GOLGA6L7: variants seen among roughly 807,000 people sequenced by gnomAD.
GOLGA6L7 encodes golgin subfamily A member 6-like protein 7.
GOLGA6L7 carries 29 observed loss-of-function variants against 68.9 expected under a neutral mutation model. That is an observed-to-expected ratio of 0.42 (90% CI 0.31 to 0.57). GOLGA6L7 has a LOEUF of 0.57. Among genes scored for constraint, GOLGA6L7 ranks in the 20% least tolerant of loss-of-function variants. GOLGA6L7 has a pLI of 0.13. For synonymous variants in GOLGA6L7, 133 were observed against 197.4 expected, an observed-to-expected ratio of 0.67 and a Z score of 2.73; for missense variants, 396 against 588.4, an observed-to-expected ratio of 0.67 and a Z score of 3.38.
In GOLGA6L7 at chr15:28,842,603, A is replaced by G; in HGVS notation, c.1501T>C (p.Phe501Leu). ...QMRKQVERLQ[F>L]KEERLWDEYE... ...TCATCCCACAGCCTCTCCTCCTTGA[A>G]TTGCAGCCTCTCCACCTGCTTCCGC... Residue 501 changes from phenylalanine (F) to leucine (L), a missense_variant, in exon 9 of 9, where the codon TTC becomes CTC. Physicochemically the swap from Phe to Leu is conservative, Grantham distance 22. Around this residue, in one of 5 missense-constraint regions of GOLGA6L7, gnomAD observed 125 missense variants for 163.3 expected, o/e 0.77. Coordinates refer to ENST00000567390, the MANE Select transcript of GOLGA6L7 (RefSeq NM_001365371.2). 7.8e-7 allele frequency: 1 copy of G among 1,286,562 alleles called. No individual in the cohort carries two copies. The highest frequency in any genetic ancestry group is 1.5e-5 in the African/African-American group (1 of 64,532). The allele number at this position is 1,286,562 out of a possible 1,614,324, so 79.7% of individuals were successfully genotyped here. A position where few individuals can be genotyped will look rare whatever the true frequency, so the allele number is the denominator to read the frequency against.
At position 28,842,265 on chromosome 15, in the gene GOLGA6L7, G is replaced by T. The variant is rs3862421; in HGVS notation, c.1839C>A (p.Asp613Glu). 10 of 1,229,308 alleles carry T rather than the reference G, an allele frequency of 8.1e-6. No individual in the cohort carries two copies. Among genetic ancestry groups the T allele is most frequent in the Middle Eastern group, 2.8e-4 (1 of 3,572 alleles). The allele number at this position is 1,229,308 out of a possible 1,614,324, so 76.2% of individuals were successfully genotyped here. A position where few individuals can be genotyped will look rare whatever the true frequency, so the allele number is the denominator to read the frequency against. ...TACTGATGATCTTGATCTTTTTCTT[G>T]TCTCCTCCGTAGAAGAATGGGATGC... ...TSCIPFFYGG[D>E]KKKIKIISI The change falls in exon 9 of 9, where the codon GAC becomes GAA. Residue 613 changes from aspartate (D) to glutamate (E), a missense_variant. Asp to Glu is a conservative substitution (Grantham distance 45). Coordinates refer to ENST00000567390, the MANE Select transcript of GOLGA6L7 (RefSeq NM_001365371.2).
rs527291727 is a variant in GOLGA6L7, at chr15:28,848,587, G to A, written c.-38C>T. ...GTGGTGGGGTTGGGGTCACATTGGCGTGATCCAGGCGAGGACAGTGATATG... is the reference window on the plus strand; with the variant it reads ...GTGGTGGGGTTGGGGTCACATTGGCATGATCCAGGCGAGGACAGTGATATG... On this transcript the variant is annotated 5_prime_UTR_variant, in exon 1 of 9. In the 5' UTR this introduces an upstream ATG that the reference lacks. Transcript: ENST00000567390. The A allele has an allele frequency of 7.7e-5, 55 of 717,432 alleles. 1 individual carries two copies. The highest frequency in any genetic ancestry group is 2.3e-4 in the Middle Eastern group (1 of 4,328). 44.4% of individuals were successfully genotyped at this position (717,432 alleles called of 1,614,324 possible).
chr15:28,842,520 C>T lies in GOLGA6L7; in HGVS notation c.1584G>A (p.Arg528=), dbSNP rs919362487. The T allele has an allele frequency of 2.2e-5, 27 of 1,221,518 alleles. No homozygotes were observed. The highest frequency in any genetic ancestry group is 2.0e-4 in the Admixed American group (5 of 25,140). 75.7% of individuals were successfully genotyped at this position (1,221,518 alleles called of 1,614,324 possible). A position where few individuals can be genotyped will look rare whatever the true frequency, so the allele number is the denominator to read the frequency against. ...GCTCTCCCATCCTCTCCTTCTTCTCCCGCCTCTTCTCCACCTGCCTCCGGA... is the reference window on the plus strand; with the variant it reads ...GCTCTCCCATCCTCTCCTTCTTCTCTCGCCTCTTCTCCACCTGCCTCCGGA... ...EKIRRQVEKR[R]EKKERMGEQE... Residue 528 remains arginine, a synonymous_variant, in exon 9 of 9, where the codon CGG becomes CGA. Coordinates refer to ENST00000567390, the MANE Select transcript of GOLGA6L7 (RefSeq NM_001365371.2).
rs759768162 is a variant in GOLGA6L7 at position 28,845,698 on chromosome 15, C to T, written c.355+20G>A. 95 of 769,128 alleles carry T rather than the reference C, an allele frequency of 1.2e-4. No individual in the cohort carries two copies. Among genetic ancestry groups the T allele is most frequent in the African/African-American group, 7.6e-4 (45 of 59,182 alleles). 47.6% of individuals were successfully genotyped at this position (769,128 alleles called of 1,614,324 possible). ...GTGAAAGTGCCAGGTTGAAGGATGA[C>T]GGGGTGCCCAGATTCCCACCTTCAA... On this transcript the variant is annotated intron_variant, in intron 5 of 8. Transcript: ENST00000567390.
In GOLGA6L7 at chr15:28,842,515, T is replaced by C. The variant is rs976298100; in HGVS notation, c.1589A>G (p.Lys530Arg). 1.0e-4 allele frequency: 123 copies of C among 1,212,354 alleles called. No individual in the cohort carries two copies. Among genetic ancestry groups the C allele is most frequent in the Non-Finnish European group, 1.1e-4 (104 of 963,982 alleles). The allele number at this position is 1,212,354 out of a possible 1,614,324, so 75.1% of individuals were successfully genotyped here. A position where few individuals can be genotyped will look rare whatever the true frequency, so the allele number is the denominator to read the frequency against. The change falls in exon 9 of 9, where the codon AAG becomes AGG. Residue 530 changes from lysine (K) to arginine (R), a missense_variant. This residue lies in a region of GOLGA6L7 where 125 missense variants were observed against 163.3 expected (regional missense o/e 0.77). Coordinates refer to ENST00000567390, the MANE Select transcript of GOLGA6L7 (RefSeq NM_001365371.2). ...IRRQVEKRRE[K>R]KERMGEQEKT... ...CTCCTGCTCTCCCATCCTCTCCTTC[T>C]TCTCCCGCCTCTTCTCCACCTGCCT...
intron 6 of GOLGA6L7, 166 bp downstream of exon 6, chr15:28,845,363 C>T: frequency 2.9e-6 from 2 of 692,230 alleles, no homozygotes; most frequent in Non-Finnish European, 2.6e-6. Context: ...CCCACAGCAG[C>T]TGACTCAGCC....
rs532140573 is a variant in GOLGA6L7 at position 28,844,609 on chromosome 15, C to T, written c.463-346G>A. 1.8e-3 allele frequency among the ~76,000 whole-genome samples: 278 copies of T among 151,920 alleles called. 1 individual carries two copies. Among genetic ancestry groups the T allele is most frequent in the African/African-American group, 6.3e-3 (260 of 41,372 alleles). On this transcript the variant is annotated intron_variant, in intron 6 of 8. Coordinates refer to ENST00000567390, the MANE Select transcript of GOLGA6L7 (RefSeq NM_001365371.2). ...CTGCACCTGGCTCTCACTTGTTTTT[C>T]GGAGAACTCAGTAAGGGTGGAAGGC...
chr15:28,844,451 A>C (rs1595356158), intron 6 of GOLGA6L7, among the ~76,000 whole-genome samples, 188 bp from the exon 7 acceptor site: 1 of 100,976 alleles, frequency 9.9e-6, no homozygotes, highest in Admixed American at 1.2e-4. Context: ...TTTTTTTGAG[A>C]TGGAGTTTCG....
At position 28,842,038 on chromosome 15, in the gene GOLGA6L7, C is replaced by T. The variant is rs982195612; in HGVS notation, c.*197G>A. The stretch of plus-strand genomic sequence containing the variant: ...GATCTCAGCTCACTGCAACCTCAAC[C>T]TCCCACGTAGCTGGGATTGGTGATC... On this transcript the variant is annotated 3_prime_UTR_variant, in exon 9 of 9. Transcript: ENST00000567390. 1.1e-5 allele frequency: 4 copies of T among 358,816 alleles called. No homozygotes were observed. Among genetic ancestry groups the T allele is most frequent in the African/African-American group, 2.1e-5 (1 of 47,608 alleles). 22.2% of individuals were successfully genotyped at this position (358,816 alleles called of 1,614,324 possible).
chr15:28,845,453 C>T, intron 6 of GOLGA6L7, 76 bp downstream of exon 6: 1 of 700,828 alleles, frequency 1.4e-6, no homozygotes, highest in Non-Finnish European at 2.6e-6. Context: ...CTGCATCCTG[C>T]AGAAGGGACC....
intron 2 of GOLGA6L7, 51 bp from the exon 3 acceptor site, chr15:28,846,300 T>TC: frequency 1.3e-6 from 1 of 756,302 alleles, no homozygotes; most frequent in South Asian, 1.4e-5. Flanking sequence ...TCGACTCTAT[T>TC]CCCCAGGCCA....
rs1370929858 is a variant in GOLGA6L7 at position 28,842,893 on chromosome 15, A to G, written c.1211T>C (p.Met404Thr). 7.4e-6 allele frequency: 9 copies of G among 1,220,502 alleles called. No homozygotes were observed. Among genetic ancestry groups the G allele is most frequent in the Non-Finnish European group, 9.1e-6 (9 of 993,830 alleles). The allele number at this position is 1,220,502 out of a possible 1,614,324, so 75.6% of individuals were successfully genotyped here. Residue 404 changes from methionine (M) to threonine (T), a missense_variant, in exon 9 of 9, where the codon ATG (methionine) becomes ACG (threonine). Coordinates refer to ENST00000567390, the MANE Select transcript of GOLGA6L7 (RefSeq NM_001365371.2). ...CCCCATCTGCTCCTCCTGCTTCCAC[A>G]TCTGCTCCTCCTGCTTTCGCATCTG... is the stretch of plus-strand genomic sequence containing the variant. ...EEQMRKQEEQ[M>T]WKQEEQMGEQ...
chr15:28,842,167 G>C lies in GOLGA6L7; in HGVS notation c.*68C>G, dbSNP rs1262761156. On this transcript the variant is annotated 3_prime_UTR_variant, in exon 9 of 9. Coordinates refer to ENST00000567390, the MANE Select transcript of GOLGA6L7 (RefSeq NM_001365371.2). ...AATAAATTTTCTTTTTTTCAAGTTT[G>C]TTCTCAGACTGTATTCACAAGGTCA... The C allele has an allele frequency of 1.2e-5, 14 of 1,195,426 alleles. No homozygotes were observed. The highest frequency in any genetic ancestry group is 3.2e-4 in the Middle Eastern group (1 of 3,170). 74.1% of individuals were successfully genotyped at this position (1,195,426 alleles called of 1,614,324 possible).
intron 3 of GOLGA6L7, 60 bp downstream of exon 3, chr15:28,846,160 C>T: frequency 1.4e-6 from 1 of 718,512 alleles, no homozygotes; most frequent in Non-Finnish European, 2.5e-6. Context: ...GGGGCCTCTA[C>T]ATCTGAGTGC....
chr15:28,842,556 C>T lies in GOLGA6L7; in HGVS notation c.1548G>A (p.Glu516=). The change falls in exon 9 of 9, where the codon GAG becomes GAA. Residue 516 remains glutamate, a synonymous_variant. Transcript: ENST00000567390. ...CCACCTGCCTCCGGATCTTCTCCTCCTCCTCCTGCATCTTCTCATACTCAT... is the reference window on the plus strand; with the variant it reads ...CCACCTGCCTCCGGATCTTCTCCTCTTCCTCCTGCATCTTCTCATACTCAT... The part of the protein sequence containing the change: ...LWDEYEKMQE[E]EEKIRRQVEK... 1.6e-6 allele frequency: 2 copies of T among 1,253,758 alleles called. No homozygotes were observed. The highest frequency in any genetic ancestry group is 2.0e-6 in the Non-Finnish European group (2 of 999,920). 77.7% of individuals were successfully genotyped at this position (1,253,758 alleles called of 1,614,324 possible).
intron 6 of GOLGA6L7, 24 bp downstream of exon 6, chr15:28,845,505 G>C: frequency 1.4e-6 from 1 of 703,784 alleles, no homozygotes. Context: ...GCTCCCAGGG[G>C]ACCGGGTAGG....
chr15:28,848,388 G>T (rs1710922147), intron 1 of GOLGA6L7, 111 bp downstream of exon 1: 5 of 651,716 alleles, frequency 7.7e-6, no homozygotes, highest in South Asian at 6.9e-5. Flanking sequence ...CACTGGGGGG[G>T]GCCCGGCCCT....
chr15:28,848,541 G>T lies in GOLGA6L7; in HGVS notation c.9C>A (p.Ser3=), dbSNP rs769424258. The T allele has an allele frequency of 2.8e-6, 2 of 706,848 alleles. No homozygotes were observed. The highest frequency in any genetic ancestry group is 1.5e-5 in the South Asian group (1 of 67,908). 43.8% of individuals were successfully genotyped at this position (706,848 alleles called of 1,614,324 possible). A position where few individuals can be genotyped will look rare whatever the true frequency, so the allele number is the denominator to read the frequency against. Residue 3 remains serine, a synonymous_variant, in exon 1 of 9, where the codon TCC becomes TCA. Transcript: ENST00000567390. MM[S]EKTQQRKLAG... is the part of the protein sequence containing the mutation. ...CCAATTTTCTTTGTTGGGTTTTTTCGGACATCATGGGGTGGGGAGGGTGGT... is the reference window on the plus strand; with the variant it reads ...CCAATTTTCTTTGTTGGGTTTTTTCTGACATCATGGGGTGGGGAGGGTGGT...
At chr15:28,846,505 A>C (rs2030435655) in intron 2 of GOLGA6L7, among the ~76,000 whole-genome samples, 1 of 152,210 alleles carries the variant, frequency 6.6e-6, no homozygotes, top group Non-Finnish European at 1.5e-5. Flanking sequence ...ACCTTCCGAC[A>C]TAAGAGTGTG....
Sources: gnomAD v4.1 joint callset for allele counts (sites outside exome capture counted in the v4.1 genomes callset) on GRCh38, gnomAD v4.1.1 for gene constraint, gnomAD v4.1.1 regional missense constraint, MANE v1.5 for transcripts, NCBI Gene and HGNC (gene_info 2026-07-23, HGNC 2026-07-21) for gene names.